Variants in FRMPD4 observed in about 807,000 individuals in gnomAD.
FRMPD4 encodes FERM and PDZ domain-containing protein 4.
Under a neutral mutation model 94.1 loss-of-function variants are expected in FRMPD4, and 22 were observed. The observed-to-expected ratio is 0.23, with a 90% confidence interval of 0.17 to 0.33. The LOEUF (loss-of-function observed/expected upper bound fraction) is 0.33, where lower values mean the gene tolerates loss of function less well. Among genes scored for constraint, FRMPD4 ranks in the 10% least tolerant of loss-of-function variants. The pLI, the probability that FRMPD4 is intolerant of heterozygous loss-of-function variation, is 1.00. For synonymous variants in FRMPD4, 631 were observed against 548.6 expected (o/e 1.15, Z -2.10); for missense variants, 1,111 against 1,339.9 (o/e 0.83, Z 2.67).
At chrX:11,943,829 T>A (rs1231058469) in intron 3 of FRMPD4, among the ~76,000 whole-genome samples, 1 of 111,821 alleles carries the variant, frequency 8.9e-6, no homozygotes, top group Non-Finnish European at 1.9e-5. Context: ...TACTTTCAGG[T>A]TTTTTCCCTT....
At chrX:12,031,994 A>G (rs1281212118) in intron 3 of FRMPD4, among the ~76,000 whole-genome samples, 4 of 111,908 alleles carry the variant, frequency 3.6e-5, no homozygotes, top group African/African-American at 6.5e-5. Flanking sequence ...GCATGGGAGA[A>G]TTCTGGAGCT....
intron 3 of FRMPD4, among the ~76,000 whole-genome samples, chrX:12,125,683 AC>A (rs1439372683): frequency 5.4e-5 from 6 of 112,130 alleles, no homozygotes; most frequent in Non-Finnish European, 1.1e-4. Context: ...GAATAGATTT[AC>A]ATCCTTTGGT....
chrX:12,645,788 C>T (rs1022146581), intron 4 of FRMPD4, among the ~76,000 whole-genome samples: 17 of 112,035 alleles, frequency 1.5e-4, no homozygotes, highest in African/African-American at 4.5e-4. Context: ...GAAAAAAATA[C>T]TTAGTTTAAG....
chrX:11,969,555 C>G (rs1447454267), intron 3 of FRMPD4, among the ~76,000 whole-genome samples: 1 of 111,769 alleles, frequency 8.9e-6, no homozygotes, highest in Non-Finnish European at 1.9e-5. Context: ...TGACTTGCAG[C>G]TTGGAAATTG....
chrX:12,548,629 C>A (rs2058502668), intron 2 of FRMPD4, among the ~76,000 whole-genome samples: 1 of 112,602 alleles, frequency 8.9e-6, no homozygotes. Context: ...GCACAGCATT[C>A]ATTTCCAATG....
intron 1 of FRMPD4, among the ~76,000 whole-genome samples, chrX:12,309,572 T>C (rs2054998501): frequency 9.0e-6 from 1 of 111,406 alleles, no homozygotes; most frequent in African/African-American, 3.3e-5. Context: ...TGATGCAGAC[T>C]TCTGCACAGT....
At chrX:12,054,617 G>A (rs760826290) in intron 3 of FRMPD4, among the ~76,000 whole-genome samples, 19 of 111,178 alleles carry the variant, frequency 1.7e-4, no homozygotes, top group Non-Finnish European at 2.8e-4. Context: ...TTCCCTTAGG[G>A]CATTAATCTT....
chrX:12,248,609 C>T (rs1262447434), intron 1 of FRMPD4, among the ~76,000 whole-genome samples: 5 of 112,199 alleles, frequency 4.5e-5, no homozygotes, highest in Non-Finnish European at 9.4e-5. Flanking sequence ...CATAATTATA[C>T]TATAACAAAT....
Position 11,912,464 on chromosome X carries a change from C to A in FRMPD4, c.95+34446C>A, listed in dbSNP as rs17327836. Among the ~76,000 whole-genome samples, 632 of 111,991 alleles carry A rather than the reference C, an allele frequency of 5.6e-3. 10 individuals are homozygous for A. The East Asian group carries it at 0.063, about 11-fold the overall frequency. ...AGCAAATGGCTTGTTGGGATAATAA[C>A]ACATAAAAGAAATATAAAGGCTCAA... is the stretch of plus-strand genomic sequence containing the variant. On this transcript the variant is annotated intron_variant, in intron 3 of 18. Coordinates refer to the FRMPD4 transcript ENST00000640291.
chrX:12,112,470 G>T (rs775674569), intron 3 of FRMPD4, among the ~76,000 whole-genome samples: 148 of 110,818 alleles, frequency 1.3e-3, no homozygotes, highest in Non-Finnish European at 2.4e-3. Context: ...TAATGTAAAT[G>T]ATGAGCTAAT....
intron 3 of FRMPD4, among the ~76,000 whole-genome samples, chrX:11,994,568 G>T (rs2054486561): frequency 9.0e-6 from 1 of 111,047 alleles, no homozygotes; most frequent in Non-Finnish European, 1.9e-5. Flanking sequence ...CTTACGGGGG[G>T]AGCTGCTGAA....
intron 3 of FRMPD4, among the ~76,000 whole-genome samples, chrX:12,066,264 G>T (rs112871935): frequency 3.0e-3 from 338 of 111,640 alleles, no homozygotes; most frequent in Non-Finnish European, 5.3e-3. Context: ...GTAGTTTTAG[G>T]ATCTTTATCC....
chrX:11,880,602 AAGCTT>A (rs1309217233), intron 3 of FRMPD4, among the ~76,000 whole-genome samples: 1 of 111,802 alleles, frequency 8.9e-6, no homozygotes, highest in African/African-American at 3.2e-5. Flanking sequence ...TCCTAACACA[AAGCTT>A]AGTATAAAGT....
chrX:11,950,500 T>C (rs766708178), intron 3 of FRMPD4, among the ~76,000 whole-genome samples: 1 of 111,799 alleles, frequency 8.9e-6, no homozygotes, highest in Admixed American at 9.5e-5. Context: ...TGTTGGACCT[T>C]AGATCTCCAG....
intron 3 of FRMPD4, among the ~76,000 whole-genome samples, chrX:12,088,383 A>T (rs2055127977): frequency 9.0e-6 from 1 of 111,637 alleles, no homozygotes; most frequent in Admixed American, 9.5e-5. Context: ...ATCACCTCTC[A>T]ATTCTTAGGA....
intron 3 of FRMPD4, among the ~76,000 whole-genome samples, chrX:12,030,415 T>C (rs761617506): frequency 3.3e-4 from 37 of 111,888 alleles, no homozygotes; most frequent in Non-Finnish European, 6.6e-4. Flanking sequence ...TAGCTTTTTT[T>C]TGTGGGGGGG....
intron 4 of FRMPD4, among the ~76,000 whole-genome samples, chrX:12,627,091 C>T (rs1033282449): frequency 1.5e-4 from 17 of 110,500 alleles, no homozygotes; most frequent in Admixed American, 3.8e-4. Context: ...GCCTGGCCAA[C>T]ATAGTGAAAC....
At chrX:12,417,867 G>A (rs1474251925) in intron 1 of FRMPD4, among the ~76,000 whole-genome samples, 1 of 106,896 alleles carries the variant, frequency 9.4e-6, no homozygotes, top group African/African-American at 3.4e-5. Flanking sequence ...GGTGGTGGGC[G>A]CCTGTAGTCC....
chrX:12,249,831 A>G (rs1316933389), intron 1 of FRMPD4, among the ~76,000 whole-genome samples: 1 of 111,183 alleles, frequency 9.0e-6, no homozygotes, highest in East Asian at 2.8e-4. Flanking sequence ...TAACTGATAT[A>G]TTATTTCTAG....
Sources: gnomAD v4.1 joint callset for allele counts (sites outside exome capture counted in the v4.1 genomes callset) on GRCh38, gnomAD v4.1.1 for gene constraint, MANE v1.5 for transcripts, NCBI Gene and HGNC (gene_info 2026-07-23, HGNC 2026-07-21) for gene names.